MSH6: variants seen among roughly 807,000 people sequenced by gnomAD.
MSH6 encodes DNA mismatch repair protein Msh6.
MSH6 carries 85 observed loss-of-function variants against 119.1 expected under a neutral mutation model. That is an observed-to-expected ratio of 0.71 (90% CI 0.60 to 0.85). The LOEUF (loss-of-function observed/expected upper bound fraction) is 0.85, where lower values mean the gene tolerates loss of function less well. Among genes scored for constraint, MSH6 ranks in the 40% least tolerant of loss-of-function variants. MSH6 has a pLI of 0.00. For missense variants in MSH6, 2,163 were observed against 1,655.3 expected (o/e 1.31, Z -5.32); for synonymous variants, 830 against 586.9 (o/e 1.41, Z -5.99).
intron 4 of MSH6, among the ~76,000 whole-genome samples, chr2:47,801,602 C>G (rs929073263): frequency 6.6e-6 from 1 of 151,990 alleles, no homozygotes; most frequent in African/African-American, 2.4e-5. Flanking sequence ...CTCCTGGGCT[C>G]AAGTGATCCT....
intron 1 of MSH6, among the ~76,000 whole-genome samples, chr2:47,788,934 T>TTTTTTTTTTTTG (rs1668553861): frequency 4.0e-5 from 4 of 99,648 alleles, no homozygotes; most frequent in Non-Finnish European, 3.9e-5. Context: ...TTTTTTTTTT[T>TTTTTTTTTTTTG]TTTTTTTTTT....
chr2:47,789,545 A>G, intron 1 of MSH6: 1 of 385,104 alleles, frequency 2.6e-6, no homozygotes, highest in South Asian at 2.0e-5. Flanking sequence ...ATCATTTAAA[A>G]CAATTTATAC....
At chr2:47,807,772 G>C (rs1200535022), downstream of MSH6, 8 of 251,690 alleles carry the variant, frequency 3.2e-5, no homozygotes, top group East Asian at 4.6e-4. Flanking sequence ...AAAGCTGCTT[G>C]TCTATTGAAG....
In MSH6 at chr2:47,799,711, T is replaced by C. The variant is rs2104363664; in HGVS notation, c.1728T>C (p.Asp576=). The change falls in exon 4 of 10, where the codon GAT becomes GAC. Residue 576 remains aspartate, a synonymous_variant. Transcript: ENST00000234420. ...TTTTCATAGGTCAGTTTTCAGATGATCGCCATTGTTCGAGATTTAGGACTC... is the reference window on the plus strand; with the variant it reads ...TTTTCATAGGTCAGTTTTCAGATGACCGCCATTGTTCGAGATTTAGGACTC... ...GKFFIGQFSD[D]RHCSRFRTLV... The C allele has an allele frequency of 6.2e-7, 1 of 1,614,208 alleles. No homozygotes were observed.
intron 7 of MSH6, among the ~76,000 whole-genome samples, 194 bp downstream of exon 7, chr2:47,805,901 A>G (rs77566926): frequency 6.6e-6 from 1 of 152,204 alleles, no homozygotes; most frequent in Non-Finnish European, 1.5e-5. Context: ...TTACCCATTA[A>G]TTATTAGGCC....
At chr2:47,787,099 G>C (rs982716202) in intron 1 of MSH6, among the ~76,000 whole-genome samples, 3 of 152,184 alleles carry the variant, frequency 2.0e-5, no homozygotes, top group African/African-American at 7.2e-5. Context: ...GCCAAGGCAG[G>C]CCAACATGGC....
chr2:47,798,565 T>C (rs2104285664), intron 3 of MSH6, 46 bp from the exon 4 acceptor site: 1 of 1,596,878 alleles, frequency 6.3e-7, no homozygotes, highest in Non-Finnish European at 8.5e-7. Context: ...CATTATGGTT[T>C]TCCAAATTTT....
At chr2:47,801,280 T>A in intron 4 of MSH6, 125 bp downstream of exon 4, 2 of 1,025,056 alleles carry the variant, frequency 2.0e-6, no homozygotes, top group Non-Finnish European at 2.9e-6. Context: ...TATACATATT[T>A]GCATCCTGAC....
chr2:47,795,123 C>A lies in MSH6; in HGVS notation c.458-771C>A, dbSNP rs145193390. Among the ~76,000 whole-genome samples, 27 of 152,164 alleles carry A rather than the reference C, an allele frequency of 1.8e-4. 1 individual carries two copies. Among genetic ancestry groups the A allele is most frequent in the Middle Eastern group, 6.8e-3 (2 of 294 alleles). ...GTTTTTAAGAAAGATTCTCAAACCT[C>A]TTTTAAATCGTCTGCCTCACTTGAA... On this transcript the variant is annotated intron_variant, in intron 2 of 9. Transcript: ENST00000234420.
At chr2:47,788,996 G>A (rs1668564552) in intron 1 of MSH6, among the ~76,000 whole-genome samples, 1 of 127,610 alleles carries the variant, frequency 7.8e-6, no homozygotes, top group Non-Finnish European at 1.6e-5. Flanking sequence ...CGTTTTCTTG[G>A]CTCACTGCAA....
chr2:47,802,625 G>A (rs369565553), intron 4 of MSH6, among the ~76,000 whole-genome samples: 12 of 147,928 alleles, frequency 8.1e-5, no homozygotes, highest in African/African-American at 2.5e-4. Context: ...GAGCCACTGC[G>A]CCCAGCCCTG....
chr2:47,790,857 T>C lies in MSH6; in HGVS notation c.261-70T>C, dbSNP rs948014598. The C allele has an allele frequency of 1.0e-5, 14 of 1,362,814 alleles. No individual in the cohort carries two copies. In the Admixed American group the frequency reaches 1.5e-4, roughly 15 times the overall value. The allele number at this position is 1,362,814 out of a possible 1,614,324, so 84.4% of individuals were successfully genotyped here. On this transcript the variant is annotated intron_variant, in intron 1 of 9. Transcript: ENST00000234420. ...TGCCAGAAGACTTGGAATTGTTTATTTGTAGGTAACTGCCTTTAAGGAAAC... is the reference window on the plus strand; with the variant it reads ...TGCCAGAAGACTTGGAATTGTTTATCTGTAGGTAACTGCCTTTAAGGAAAC...
rs587782277 is a variant in MSH6, at chr2:47,800,761, T to TA, written c.2779dup (p.Ile927AsnfsTer8). The TA allele has an allele frequency of 1.9e-6, 3 of 1,614,128 alleles. No individual in the cohort carries two copies. Among genetic ancestry groups the TA allele is most frequent in the Non-Finnish European group, 2.5e-6 (3 of 1,180,022 alleles). On this transcript the variant is annotated frameshift_variant, in exon 4 of 10. Coordinates refer to ENST00000234420, the MANE Select transcript of MSH6 (RefSeq NM_000179.3). LOFTEE classifies it high-confidence loss of function. Reference sequence around the variant, plus strand: ...ATGAAAAGGCTCGAAAGACTGGACTTATTACTCCCAAAGCAGGCTTTGACT... The same window carrying TA: ...ATGAAAAGGCTCGAAAGACTGGACTTAATTACTCCCAAAGCAGGCTTTGACT...
At chr2:47,807,077 C>G (rs534233338), downstream of MSH6, 19 of 549,860 alleles carry the variant, frequency 3.5e-5, no homozygotes, top group South Asian at 4.0e-4. Context: ...CATACACTTT[C>G]AGGCTGTTTT....
At chr2:47,808,043 T>C (rs1670347171), downstream of MSH6, 5 of 1,348,316 alleles carry the variant, frequency 3.7e-6, no homozygotes, top group Admixed American at 5.8e-5. Flanking sequence ...TGGGCAAATA[T>C]TTTAAATCTT....
Position 47,799,687 on chromosome 2 carries a change from T to C in MSH6, c.1704T>C (p.Phe568=), listed in dbSNP as rs1572724086. The C allele has an allele frequency of 1.2e-6, 2 of 1,614,174 alleles. No individual in the cohort carries two copies. Among genetic ancestry groups the C allele is most frequent in the Non-Finnish European group, 1.7e-6 (2 of 1,180,022 alleles). Residue 568 remains phenylalanine (F), a synonymous_variant, in exon 4 of 10, where the codon TTT becomes TTC. Transcript: ENST00000234420. ...TTGTTGATACTTCACTGGGAAAGTT[T>C]TTCATAGGTCAGTTTTCAGATGATC... is the stretch of plus-strand genomic sequence containing the variant. ...VCFVDTSLGK[F]FIGQFSDDRH...
In MSH6 at chr2:47,787,703, A is replaced by C. The variant is rs1443092050; in HGVS notation, c.261-3224A>C. On this transcript the variant is annotated intron_variant, in intron 1 of 9. Transcript: ENST00000234420. The stretch of plus-strand genomic sequence containing the variant: ...CAGATCTCGGTTCACTGCACCCTCG[A>C]CCTATTCGGCTCAAGTGATCCTCCC... 2.0e-5 allele frequency among the ~76,000 whole-genome samples: 3 copies of C among 151,988 alleles called. No homozygotes were observed. The East Asian group carries it at 5.8e-4, about 29-fold the overall frequency.
chr2:47,793,106 A>AG (rs1668843048), intron 2 of MSH6, among the ~76,000 whole-genome samples: 1 of 151,708 alleles, frequency 6.6e-6, no homozygotes, highest in South Asian at 2.1e-4. Flanking sequence ...GGATCACCTG[A>AG]GGTCAGGAGT....
chr2:47,795,803 T>C (rs1278144932), intron 2 of MSH6, 91 bp from the exon 3 acceptor site: 1 of 1,075,708 alleles, frequency 9.3e-7, no homozygotes, highest in African/African-American at 1.6e-5. Flanking sequence ...TGGGGTTTGC[T>C]ATGTTGCCCA....
Sources: allele counts gnomAD v4.1 joint callset (sites outside exome capture counted in the v4.1 genomes callset), GRCh38; gene constraint gnomAD v4.1.1; transcripts MANE v1.5; gene names NCBI Gene and HGNC (gene_info 2026-07-23, HGNC 2026-07-21).